Variants in KIF6 observed in about 807,000 individuals in gnomAD.
KIF6 encodes kinesin family member 6.
KIF6 carries 106 observed loss-of-function variants against 112.7 expected under a neutral mutation model. The observed-to-expected ratio is 0.94, with a 90% CI of 0.80 to 1.11. KIF6 has a LOEUF of 1.11. KIF6 is among the 50% of genes least tolerant of loss of function. The pLI, the probability that KIF6 is intolerant of heterozygous loss-of-function variation, is 0.00. For missense variants in KIF6, 929 were observed against 964.0 expected (o/e 0.96, Z 0.48); for synonymous variants, 339 against 339.9 (o/e 1.00, Z 0.03).
chr6:39,504,973 A>AT (rs1776348401), intron 13 of KIF6, among the ~76,000 whole-genome samples: 1 of 152,166 alleles, frequency 6.6e-6, no homozygotes, highest in Non-Finnish European at 1.5e-5. Context: ...TACCATTTAC[A>AT]TTTTTCACAG....
rs1258761315 is a variant in KIF6 at position 39,390,048 on chromosome 6, A to AAAAAAAAAAAAAAAAAG, written c.1811-4377_1811-4376insCTTTTTTTTTTTTTTTT. On this transcript the variant is annotated intron_variant, in intron 15 of 22. Transcript: ENST00000287152. ...TCTGTCTCCAAAAAAAAAAAAAAAAAAAAAGGAAATAATTACAAATCTGGA... is the reference window on the plus strand; with the variant it reads ...TCTGTCTCCAAAAAAAAAAAAAAAAAAAAAAAAAAAAAAAAAGAAAAGGAAATAATTACAAATCTGGA... Among the ~76,000 whole-genome samples the AAAAAAAAAAAAAAAAAG allele has an allele frequency of 2.8e-3, 384 of 137,114 alleles. 4 individuals are homozygous for AAAAAAAAAAAAAAAAAG. The highest frequency in any genetic ancestry group is 4.1e-3 in the African/African-American group (134 of 32,366). 90.0% of individuals were successfully genotyped at this position (137,114 alleles called of 152,430 possible). A position where few individuals can be genotyped will look rare whatever the true frequency, so the allele number is the denominator to read the frequency against.
At position 39,557,315 on chromosome 6, in the gene KIF6, A is replaced by G. The variant is rs1295076944; in HGVS notation, c.1182-11627T>C. 2.0e-5 allele frequency among the ~76,000 whole-genome samples: 3 copies of G among 152,324 alleles called. No homozygotes were observed. In the South Asian group the frequency reaches 6.2e-4, roughly 32 times the overall value. On this transcript the variant is annotated intron_variant, in intron 10 of 22. Transcript: ENST00000287152. ...GTGTATGTAAATTGAATCATACATT[A>G]TCATTGAGTTCTGTATTAATTGAAG...
At position 39,544,713 on chromosome 6, in the gene KIF6, C is replaced by G; in HGVS notation, c.1288-20G>C. The stretch of plus-strand genomic sequence containing the variant: ...TAGTTTCTGTAAGATAAAATAAGAG[C>G]TTAGTACCCATATCTCTAGTCCAAA... On this transcript the variant is annotated intron_variant, in intron 11 of 22. Coordinates refer to ENST00000287152, the MANE Select transcript of KIF6 (RefSeq NM_145027.6). 1 of 1,470,352 alleles carries G rather than the reference C, an allele frequency of 6.8e-7. No homozygotes were observed. The highest frequency in any genetic ancestry group is 9.3e-7 in the Non-Finnish European group (1 of 1,077,484). The allele number at this position is 1,470,352 out of a possible 1,614,324, so 91.1% of individuals were successfully genotyped here. A position where few individuals can be genotyped will look rare whatever the true frequency, so the allele number is the denominator to read the frequency against.
chr6:39,639,282 T>C (rs1784786852), intron 4 of KIF6, among the ~76,000 whole-genome samples: 9 of 152,112 alleles, frequency 5.9e-5, no homozygotes, highest in Admixed American at 5.9e-4. Context: ...TCTGCTTTGA[T>C]AAGAAGACAT....
chr6:39,461,395 C>T (rs962870846), intron 13 of KIF6, among the ~76,000 whole-genome samples: 2 of 152,080 alleles, frequency 1.3e-5, no homozygotes, highest in East Asian at 3.9e-4. Context: ...TTCACCTTTA[C>T]CTTCCTCTCA....
chr6:39,547,890 T>G (rs1779148601), intron 10 of KIF6, among the ~76,000 whole-genome samples: 1 of 152,208 alleles, frequency 6.6e-6, no homozygotes, highest in African/African-American at 2.4e-5. Flanking sequence ...AGTTGCTACT[T>G]TCCTCTGTAA....
At chr6:39,570,789 C>T (rs959753705) in intron 10 of KIF6, among the ~76,000 whole-genome samples, 3 of 152,160 alleles carry the variant, frequency 2.0e-5, no homozygotes, top group African/African-American at 7.2e-5. Context: ...CCTGCTTCTC[C>T]TTTGCTTTCT....
At chr6:39,503,047 T>C (rs1416961746) in intron 13 of KIF6, among the ~76,000 whole-genome samples, 2 of 152,062 alleles carry the variant, frequency 1.3e-5, no homozygotes, top group Middle Eastern at 3.2e-3. Flanking sequence ...ATTCTTCTAA[T>C]TGCCACACAG....
chr6:39,501,111 G>A (rs1408668368), intron 13 of KIF6, among the ~76,000 whole-genome samples: 6 of 152,046 alleles, frequency 3.9e-5, no homozygotes, highest in African/African-American at 1.2e-4. Flanking sequence ...CGGCTTACTC[G>A]GGAGCAACAC....
intron 16 of KIF6, among the ~76,000 whole-genome samples, chr6:39,372,534 G>C (rs762935144): frequency 1.8e-4 from 28 of 152,162 alleles, no homozygotes; most frequent in African/African-American, 6.0e-4. Context: ...ATTTTTATTT[G>C]ATCTATGAAG....
chr6:39,508,327 C>T (rs1776561224), intron 13 of KIF6, among the ~76,000 whole-genome samples: 1 of 151,930 alleles, frequency 6.6e-6, no homozygotes, highest in African/African-American at 2.4e-5. Context: ...GCATTTCCAG[C>T]TGGGGTAAAT....
chr6:39,446,842 T>C (rs1772362612), intron 13 of KIF6, among the ~76,000 whole-genome samples: 2 of 152,320 alleles, frequency 1.3e-5, no homozygotes, highest in African/African-American at 4.8e-5. Context: ...ATGTCTTTAA[T>C]GTAGTTTTCT....
At chr6:39,543,051 ATCTC>A (rs1309430689) in intron 12 of KIF6, among the ~76,000 whole-genome samples, 1 of 152,214 alleles carries the variant, frequency 6.6e-6, no homozygotes, top group South Asian at 2.1e-4. Context: ...GGTGATGGAT[ATCTC>A]TCTTTCACTC....
Position 39,345,704 on chromosome 6 carries a change from CT to C in KIF6, c.2316del (p.Asp773ThrfsTer51). 1 of 1,613,036 alleles carries C rather than the reference CT, an allele frequency of 6.2e-7. No individual in the cohort carries two copies. ...TAACAGGAGAAGACCACAGACCTGTCTTCCAGTGGGGTGCTGGTGCTGCTCT... is the reference window on the plus strand; with the variant it reads ...TAACAGGAGAAGACCACAGACCTGTCTCCAGTGGGGTGCTGGTGCTGCTCT... Reference protein sequence around the residue: ...QKQSSTSTPLEDSIPKRPVSS... With the variant: ...QKQSSTSTPLXDSIPKRPVSS... On this transcript the variant is annotated frameshift_variant, in exon 21 of 23. Coordinates refer to ENST00000287152, the MANE Select transcript of KIF6 (RefSeq NM_145027.6). LOFTEE classifies it high-confidence loss of function.
chr6:39,482,006 GCACACA>G lies in KIF6; in HGVS notation c.1646-50851_1646-50846del, dbSNP rs143093562. Among the ~76,000 whole-genome samples, 136 of 141,234 alleles carry G rather than the reference GCACACA, an allele frequency of 9.6e-4. 1 individual carries two copies. The highest frequency in any genetic ancestry group is 2.6e-3 in the African/African-American group (100 of 38,456). 92.7% of individuals were successfully genotyped at this position (141,234 alleles called of 152,430 possible). A position where few individuals can be genotyped will look rare whatever the true frequency, so the allele number is the denominator to read the frequency against. On this transcript the variant is annotated intron_variant, in intron 13 of 22. Transcript: ENST00000287152. ...GAGATAAAGACAACGGGACCTTTAG[GCACACA>G]CACACACACACACACACACACACAC...
chr6:39,550,024 G>T (rs1582111314), intron 10 of KIF6, among the ~76,000 whole-genome samples: 2 of 152,242 alleles, frequency 1.3e-5, no homozygotes, highest in South Asian at 4.1e-4. Flanking sequence ...TGGCCAGCTA[G>T]TTGTCTTTGG....
intron 3 of KIF6, among the ~76,000 whole-genome samples, chr6:39,660,702 T>C (rs986446177): frequency 6.6e-6 from 1 of 152,204 alleles, no homozygotes; most frequent in African/African-American, 2.4e-5. Flanking sequence ...CAGTCAGCAC[T>C]GTGCCCCTCA....
intron 13 of KIF6, among the ~76,000 whole-genome samples, chr6:39,465,832 C>T (rs1773750721): frequency 6.6e-6 from 1 of 152,194 alleles, no homozygotes; most frequent in South Asian, 2.1e-4. Flanking sequence ...ATTTTGCATG[C>T]CTCTGTTCTT....
At position 39,400,296 on chromosome 6, in the gene KIF6, G is replaced by A. The variant is rs547929089; in HGVS notation, c.1811-14624C>T. On this transcript the variant is annotated intron_variant, in intron 15 of 22. Transcript: ENST00000287152. ...AAGAGGCAAGAAAGCTGTGCAAACT[G>A]GAAAAGGGCGGCATTCTTTCAGACA... Among the ~76,000 whole-genome samples the A allele has an allele frequency of 2.6e-5, 4 of 152,284 alleles. No homozygotes were observed. In the East Asian group the frequency reaches 7.7e-4, roughly 29 times the overall value.
Sources: gnomAD v4.1 joint callset for allele counts (sites outside exome capture counted in the v4.1 genomes callset) on GRCh38, gnomAD v4.1.1 for gene constraint, MANE v1.5 for transcripts, NCBI Gene and HGNC (gene_info 2026-07-23, HGNC 2026-07-21) for gene names.